Variants in SEMA6A observed in about 807,000 individuals in gnomAD.
SEMA6A encodes the protein semaphorin-6A.
In SEMA6A, 25 loss-of-function variants were observed where a neutral mutation model predicts 96.8. That is an observed-to-expected ratio of 0.26 (90% confidence interval 0.19 to 0.36). The LOEUF (loss-of-function observed/expected upper bound fraction) is 0.36. Among genes scored for constraint, SEMA6A ranks in the 10% least tolerant of loss-of-function variants. The pLI is 1.00. For missense variants in SEMA6A, 1,363 were observed against 1,323.1 expected, an observed-to-expected ratio of 1.03 and a Z score of -0.47; for synonymous variants, 612 against 518.0, an observed-to-expected ratio of 1.18 and a Z score of -2.46.
At chr5:116,473,234 T>C in intron 16 of SEMA6A, 141 bp from the exon 17 acceptor site, 1 of 775,002 alleles carries the variant, frequency 1.3e-6, no homozygotes, top group Non-Finnish European at 2.1e-6. Context: ...AATTTCTGCG[T>C]GTAATGTAAG....
chr5:116,450,563 T>G (rs555642301), intron 18 of SEMA6A, among the ~76,000 whole-genome samples: 1 of 152,342 alleles, frequency 6.6e-6, no homozygotes, highest in African/African-American at 2.4e-5. Flanking sequence ...CTTGGCTATT[T>G]TAGACTCATG....
chr5:116,485,829 C>T (rs1757023455), intron 10 of SEMA6A, among the ~76,000 whole-genome samples: 1 of 152,178 alleles, frequency 6.6e-6, no homozygotes. Flanking sequence ...CGACCATGCA[C>T]ACTGTTAGGA....
chr5:116,519,410 G>C (rs573174097), intron 1 of SEMA6A, among the ~76,000 whole-genome samples: 2 of 152,302 alleles, frequency 1.3e-5, no homozygotes, highest in South Asian at 4.2e-4. Flanking sequence ...CAAGTGTGTA[G>C]GCATTGAAAG....
intron 1 of SEMA6A, chr5:116,536,388 G>C (rs902674637): frequency 1.3e-5 from 2 of 152,134 alleles, no homozygotes; most frequent in Non-Finnish European, 2.9e-5. Context: ...TTTACCATCA[G>C]CTTGGTGAAG....
chr5:116,474,245 G>A (rs534633295), intron 16 of SEMA6A, among the ~76,000 whole-genome samples: 1 of 150,974 alleles, frequency 6.6e-6, no homozygotes, highest in African/African-American at 2.4e-5. Context: ...ATTAACATCA[G>A]CTAACTAAGC....
intron 1 of SEMA6A, among the ~76,000 whole-genome samples, chr5:116,512,283 A>G (rs1189315977): frequency 6.6e-6 from 1 of 152,208 alleles, no homozygotes; most frequent in Non-Finnish European, 1.5e-5. Flanking sequence ...CTGTTCAGTG[A>G]TATTTGCATT....
intron 1 of SEMA6A, among the ~76,000 whole-genome samples, chr5:116,534,819 C>CTGAA (rs970166867): frequency 6.6e-6 from 1 of 152,204 alleles, no homozygotes; most frequent in Non-Finnish European, 1.5e-5. Context: ...CACGTTATTA[C>CTGAA]TGAATGAATG....
At chr5:116,475,989 TTC>T (rs1191097663) in intron 15 of SEMA6A, among the ~76,000 whole-genome samples, 1 of 152,236 alleles carries the variant, frequency 6.6e-6, no homozygotes, top group Non-Finnish European at 1.5e-5. Context: ...TTTTTCTCTA[TTC>T]TCTTTTTCAC....
chr5:116,445,061 T>C lies in SEMA6A; in HGVS notation c.*1552A>G, dbSNP rs1254954920. ...GCTTCGCAGCACAGCCAAAGGGTGG[T>C]TCCAGTTGGCACAACTAGAAGGCAG... On this transcript the variant is annotated 3_prime_UTR_variant, in exon 19 of 19. Coordinates refer to ENST00000343348, the MANE Select transcript of SEMA6A (RefSeq NM_020796.5). 2 of 152,616 alleles carry C rather than the reference T, an allele frequency of 1.3e-5. No homozygotes were observed. Among genetic ancestry groups the C allele is most frequent in the East Asian group, 3.9e-4 (2 of 5,188 alleles). The allele number at this position is 152,616 out of a possible 1,614,324, so 9.5% of individuals were successfully genotyped here.
intron 18 of SEMA6A, among the ~76,000 whole-genome samples, chr5:116,465,287 A>G (rs146640856): frequency 1.7e-4 from 26 of 152,334 alleles, no homozygotes; most frequent in African/African-American, 6.0e-4. Context: ...AAGTCATAAC[A>G]CAGTGCTTGG....
At position 116,504,732 on chromosome 5, in the gene SEMA6A, GAGGACTAATA is replaced by G. The variant is rs1356752808; in HGVS notation, c.100+103_100+112del. 4 of 773,534 alleles carry G rather than the reference GAGGACTAATA, an allele frequency of 5.2e-6. No individual in the cohort carries two copies. The African/African-American group carries it at 5.2e-5, about 10-fold the overall frequency. The allele number at this position is 773,534 out of a possible 1,614,324, so 47.9% of individuals were successfully genotyped here. A position where few individuals can be genotyped will look rare whatever the true frequency, so the allele number is the denominator to read the frequency against. Reference sequence around the variant, plus strand: ...GAATTAGCCACCTTTGCCACATACAGAGGACTAATAAGTCACCTATTCTATTTCATTTTTC... The same window carrying G: ...GAATTAGCCACCTTTGCCACATACAGAGTCACCTATTCTATTTCATTTTTC... On this transcript the variant is annotated intron_variant, in intron 2 of 18. Transcript: ENST00000343348.
chr5:116,478,042 G>A lies in SEMA6A; in HGVS notation c.1540C>T (p.Arg514Trp), dbSNP rs763256728. The change falls in exon 14 of 19, where the codon CGG (arginine) becomes TGG (tryptophan). Residue 514 changes from arginine to tryptophan, a missense_variant. Physicochemically the swap from Arg to Trp is moderately radical, Grantham distance 101. Around this residue, in one of 2 missense-constraint regions of SEMA6A, gnomAD observed 883 missense variants for 763.6 expected, o/e 1.16. Transcript: ENST00000343348. ...STCVIKVPLG[R>W]CERHGKCKKT... The stretch of plus-strand genomic sequence containing the variant: ...TTACACTTCCCATGTCGTTCACACC[G>A]GCCAAGGGGAACCTTTATCACACAG... 27 of 1,613,796 alleles carry A rather than the reference G, an allele frequency of 1.7e-5. No homozygotes were observed. Among genetic ancestry groups the A allele is most frequent in the South Asian group, 3.3e-5 (3 of 91,074 alleles).
At chr5:116,493,223 A>T (rs1336781637) in intron 6 of SEMA6A, among the ~76,000 whole-genome samples, 1 of 152,218 alleles carries the variant, frequency 6.6e-6, no homozygotes, top group Non-Finnish European at 1.5e-5. Context: ...GTGCCAAGAA[A>T]ACCTGTACTT....
In SEMA6A at chr5:116,447,070, G is replaced by C. The variant is rs200776266; in HGVS notation, c.2636C>G (p.Pro879Arg). The change falls in exon 19 of 19, where the codon CCC becomes CGC. Residue 879 changes from proline to arginine, a missense_variant. Pro to Arg is a moderately radical substitution (Grantham distance 103). Transcript: ENST00000343348. Reference sequence around the variant, plus strand: ...GGAGGCCTCCCGCTGTGGAACTTTGGGGGGCAGGCTGTCCAGGTTCTCCAC... The same window carrying C: ...GGAGGCCTCCCGCTGTGGAACTTTGCGGGGCAGGCTGTCCAGGTTCTCCAC... ...NLVENLDSLP[P>R]KVPQREASLG... The C allele has an allele frequency of 7.9e-5, 127 of 1,613,928 alleles. No individual in the cohort carries two copies. Among genetic ancestry groups the C allele is most frequent in the Non-Finnish European group, 1.0e-4 (118 of 1,179,858 alleles).
intron 3 of SEMA6A, among the ~76,000 whole-genome samples, chr5:116,501,321 C>T (rs566258989): frequency 6.6e-6 from 1 of 152,226 alleles, no homozygotes; most frequent in South Asian, 2.1e-4. Context: ...CTGTTTGAGC[C>T]GTATTCTTAC....
intron 1 of SEMA6A, among the ~76,000 whole-genome samples, chr5:116,518,890 A>C (rs559835462): frequency 1.3e-5 from 2 of 152,318 alleles, no homozygotes; most frequent in East Asian, 3.9e-4. Context: ...TTCAAAGAGG[A>C]GATTCCCCAC....
rs756077914 is a variant in SEMA6A, at chr5:116,488,921, G to A, written c.622C>T (p.Arg208Trp). 2 of 1,587,106 alleles carry A rather than the reference G, an allele frequency of 1.3e-6. No homozygotes were observed. The highest frequency in any genetic ancestry group is 1.7e-6 in the Non-Finnish European group (2 of 1,165,730). Residue 208 changes from arginine to tryptophan, a missense_variant, in exon 8 of 19, where the codon CGG (arginine) becomes TGG (tryptophan). Around this residue, in one of 2 missense-constraint regions of SEMA6A, gnomAD observed 480 missense variants for 559.5 expected, o/e 0.86. Transcript: ENST00000343348. ...YRSLGESPTL[R>W]TVKHDSKWLK... Reference sequence around the variant, plus strand: ...CATTTTGAATCGTGCTTGACGGTCCGCAGGGTAGGGCTTTCTCCAAGACTC... The same window carrying A: ...CATTTTGAATCGTGCTTGACGGTCCACAGGGTAGGGCTTTCTCCAAGACTC...
intron 1 of SEMA6A, among the ~76,000 whole-genome samples, chr5:116,572,173 T>A (rs185322339): frequency 4.1e-4 from 63 of 152,286 alleles, no homozygotes; most frequent in Admixed American, 5.9e-4. Flanking sequence ...GCAAGTGGGT[T>A]AAACGGCTTT....
In SEMA6A at chr5:116,495,403, T is replaced by C. The variant is rs748571555; in HGVS notation, c.444+10A>G. On this transcript the variant is annotated intron_variant, in intron 6 of 18. Coordinates refer to ENST00000343348, the MANE Select transcript of SEMA6A (RefSeq NM_020796.5). ...TGGCAGTGTGGTTCCAACCGACAAA[T>C]AGCATTTACCTTATAGTTTCTGCAG... 8.2e-6 allele frequency: 13 copies of C among 1,594,514 alleles called. No homozygotes were observed. In the Admixed American group the frequency reaches 1.2e-4, roughly 15 times the overall value.
Sources: allele counts gnomAD v4.1 joint callset (sites outside exome capture counted in the v4.1 genomes callset), GRCh38; gene constraint gnomAD v4.1.1; regional missense constraint gnomAD v4.1.1; transcripts MANE v1.5; gene names NCBI Gene and HGNC (gene_info 2026-07-23, HGNC 2026-07-21).